GRIK2: variants seen among roughly 807,000 people sequenced by gnomAD.
GRIK2 encodes the protein glutamate ionotropic receptor kainate type subunit 2, also known as glutamate receptor ionotropic, kainate 2.
A neutral mutation model predicts 100.3 loss-of-function variants in GRIK2; 32 were observed. The ratio of observed to expected loss-of-function variants is 0.32; its 90% confidence interval spans 0.24 to 0.43. GRIK2 has a LOEUF of 0.43. Ranked by LOEUF, GRIK2 falls within the 20% of genes least tolerant of loss-of-function variation. The pLI is 1.00. For missense variants in GRIK2, 843 were observed against 1,114.9 expected (o/e 0.76, Z 3.47); for synonymous variants, 417 against 389.4 (o/e 1.07, Z -0.83).
At chr6:101,419,112 A>T (rs993184725) in intron 2 of GRIK2, among the ~76,000 whole-genome samples, 1 of 151,316 alleles carries the variant, frequency 6.6e-6, no homozygotes, top group Admixed American at 6.6e-5. Context: ...TGGGGTAGAC[A>T]GCTATGATGA....
intron 2 of GRIK2, among the ~76,000 whole-genome samples, chr6:101,601,851 T>C (rs1779227903): frequency 6.6e-6 from 1 of 151,810 alleles, no homozygotes; most frequent in Non-Finnish European, 1.5e-5. Context: ...TAGCAATCTA[T>C]TGATCATGTG....
Position 101,621,930 on chromosome 6 carries a change from TTC to T in GRIK2, c.116-15_116-14del, listed in dbSNP as rs746260237. Reference sequence around the variant, plus strand: ...TTTATTCTTGTAAAATTTATGATTTTTCTCTTTCTTTTTGCCAGGTGGTATTT... The same window carrying T: ...TTTATTCTTGTAAAATTTATGATTTTTCTTTCTTTTTGCCAGGTGGTATTT... On this transcript the variant is annotated splice_polypyrimidine_tract_variant and intron_variant, in intron 2 of 16. Transcript: ENST00000369134. 4.6e-5 allele frequency: 71 copies of T among 1,554,274 alleles called. No homozygotes were observed. The highest frequency in any genetic ancestry group is 5.9e-5 in the Non-Finnish European group (67 of 1,128,238).
chr6:101,878,684 C>T (rs892038650), intron 11 of GRIK2, among the ~76,000 whole-genome samples: 11 of 151,920 alleles, frequency 7.2e-5, no homozygotes, highest in South Asian at 4.1e-4. Context: ...CATTCGTTAT[C>T]GTCTCTGAAT....
chr6:101,437,450 A>C (rs939560892), intron 2 of GRIK2, among the ~76,000 whole-genome samples: 3 of 152,124 alleles, frequency 2.0e-5, no homozygotes, highest in Non-Finnish European at 2.9e-5. Flanking sequence ...ATTTCCATTT[A>C]CTTCAAAGAT....
chr6:101,911,011 C>G (rs1582516517), intron 12 of GRIK2, among the ~76,000 whole-genome samples: 1 of 151,006 alleles, frequency 6.6e-6, no homozygotes, highest in Non-Finnish European at 1.5e-5. Flanking sequence ...AGAGAGGCAG[C>G]CAAACAAACA....
At chr6:101,795,878 T>C (rs1780269838) in intron 7 of GRIK2, among the ~76,000 whole-genome samples, 1 of 152,232 alleles carries the variant, frequency 6.6e-6, no homozygotes, top group South Asian at 2.1e-4. Flanking sequence ...GCCCCAGGTA[T>C]AACAATGTAT....
Position 101,872,123 on chromosome 6 carries a change from A to T in GRIK2, c.1524+12630A>T, listed in dbSNP as rs182636624. Among the ~76,000 whole-genome samples the T allele has an allele frequency of 2.0e-5, 3 of 151,990 alleles. No individual in the cohort carries two copies. The East Asian group carries it at 5.8e-4, about 29-fold the overall frequency. On this transcript the variant is annotated intron_variant, in intron 11 of 16. Coordinates refer to ENST00000369134, the MANE Select transcript of GRIK2 (RefSeq NM_021956.5). The stretch of plus-strand genomic sequence containing the variant: ...TCAATGTGGTTTTCATAATAATTGT[A>T]TACTTCACATTGCAATCACCCAGGA...
At chr6:101,529,154 C>G (rs1301572604) in intron 2 of GRIK2, among the ~76,000 whole-genome samples, 1 of 151,960 alleles carries the variant, frequency 6.6e-6, no homozygotes, top group Non-Finnish European at 1.5e-5. Context: ...CTTTAAATTT[C>G]AAAATTATTT....
Position 101,930,360 on chromosome 6 carries a change from TA to T in GRIK2, c.2085+1732del, listed in dbSNP as rs370749498. Among the ~76,000 whole-genome samples, 23 of 102,022 alleles carry T rather than the reference TA, an allele frequency of 2.3e-4. No homozygotes were observed. In the South Asian group the frequency reaches 2.4e-3, roughly 11 times the overall value. 66.9% of individuals were successfully genotyped at this position (102,022 alleles called of 152,430 possible). On this transcript the variant is annotated intron_variant, in intron 14 of 16. Transcript: ENST00000369134. ...CCTGTCTCAAAAAAAAAAAATAAAA[TA>T]AAATAAAATAAATAAGTCGCTGAAA...
intron 4 of GRIK2, among the ~76,000 whole-genome samples, chr6:101,631,906 C>T (rs192789352): frequency 2.4e-4 from 37 of 152,182 alleles, no homozygotes; most frequent in Admixed American, 1.8e-3. Context: ...TCCTCTAAGG[C>T]ATTTTTAAGA....
At chr6:101,422,406 C>T (rs1229891461) in intron 2 of GRIK2, among the ~76,000 whole-genome samples, 3 of 152,106 alleles carry the variant, frequency 2.0e-5, no homozygotes, top group Non-Finnish European at 4.4e-5. Flanking sequence ...TCAAGTATTA[C>T]ATGAATAATT....
At chr6:101,780,352 T>C (rs1199451358) in intron 7 of GRIK2, among the ~76,000 whole-genome samples, 1 of 152,122 alleles carries the variant, frequency 6.6e-6, no homozygotes, top group Non-Finnish European at 1.5e-5. Flanking sequence ...TAGACAGTGA[T>C]TCTAAGGGTT....
chr6:101,958,283 G>GTGTGTGTGT (rs71028091), intron 14 of GRIK2, among the ~76,000 whole-genome samples: 2 of 150,752 alleles, frequency 1.3e-5, no homozygotes, highest in African/African-American at 2.4e-5. Flanking sequence ...GTGTGTGTGT[G>GTGTGTGTGT]GGTCCATTGC....
intron 2 of GRIK2, among the ~76,000 whole-genome samples, chr6:101,614,184 T>C (rs1779799332): frequency 6.6e-6 from 1 of 151,790 alleles, no homozygotes; most frequent in African/African-American, 2.4e-5. Context: ...ATAGTACATG[T>C]AAATATTTGC....
intron 2 of GRIK2, among the ~76,000 whole-genome samples, chr6:101,577,692 T>G (rs1293974772): frequency 6.6e-6 from 1 of 152,096 alleles, no homozygotes; most frequent in Non-Finnish European, 1.5e-5. Context: ...ATGCATGACT[T>G]TAAAAGTTTA....
At chr6:101,702,791 G>A (rs1772986925) in intron 7 of GRIK2, among the ~76,000 whole-genome samples, 1 of 151,768 alleles carries the variant, frequency 6.6e-6, no homozygotes, top group Non-Finnish European at 1.5e-5. Context: ...GAAATAGGTA[G>A]CCATACAAAT....
chr6:101,500,346 G>A (rs1388914593), intron 2 of GRIK2, among the ~76,000 whole-genome samples: 2 of 151,936 alleles, frequency 1.3e-5, no homozygotes, highest in Non-Finnish European at 2.9e-5. Flanking sequence ...CAGATATGTG[G>A]GATTTATGTG....
intron 7 of GRIK2, among the ~76,000 whole-genome samples, chr6:101,783,678 A>G (rs1352362863): frequency 2.0e-5 from 3 of 152,300 alleles, no homozygotes; most frequent in South Asian, 4.1e-4. Context: ...TTTGACCAAA[A>G]TGTTGATAGT....
chr6:101,425,575 G>A (rs982108130), intron 2 of GRIK2, among the ~76,000 whole-genome samples: 4 of 151,988 alleles, frequency 2.6e-5, no homozygotes, highest in Non-Finnish European at 5.9e-5. Flanking sequence ...TGTATACAAT[G>A]TTATCCTACA....
Sources: allele counts gnomAD v4.1 joint callset (sites outside exome capture counted in the v4.1 genomes callset), GRCh38; gene constraint gnomAD v4.1.1; transcripts MANE v1.5; gene names NCBI Gene and HGNC (gene_info 2026-07-23, HGNC 2026-07-21).